The following KLHDC4 variants were observed in gnomAD, a reference collection of about 807,000 sequenced individuals.
KLHDC4 encodes kelch domain containing 4, also known as kelch domain-containing protein 4.
Under a neutral mutation model 62.4 loss-of-function variants are expected in KLHDC4, and 90 were observed. That is an observed-to-expected ratio of 1.44 (90% confidence interval 1.22 to 1.72). KLHDC4 has a LOEUF of 1.72. Ranked by LOEUF, KLHDC4 falls within the 40% of genes most tolerant of loss-of-function variation. The pLI, the probability that KLHDC4 is intolerant of heterozygous loss-of-function variation, is 0.00. For missense variants in KLHDC4, 1,025 were observed against 699.7 expected, an observed-to-expected ratio of 1.47 and a Z score of -5.25; for synonymous variants, 386 against 284.4, an observed-to-expected ratio of 1.36 and a Z score of -3.59.
At chr16:87,706,438 C>T (rs1247939481), downstream of KLHDC4, among the ~76,000 whole-genome samples, 10 of 97,802 alleles carry the variant, frequency 1.0e-4, no homozygotes, top group South Asian at 7.4e-4. Context: ...GGGGGGTCGG[C>T]GGAGGGGGCC....
intron 5 of KLHDC4, among the ~76,000 whole-genome samples, chr16:87,735,293 C>T (rs1363641178): frequency 1.4e-5 from 2 of 148,100 alleles, no homozygotes; most frequent in Non-Finnish European, 3.0e-5. Context: ...CAGCGAGACT[C>T]CGTCTCAAAA....
chr16:87,724,401 T>A (rs1050982569), intron 7 of KLHDC4, among the ~76,000 whole-genome samples: 9 of 152,146 alleles, frequency 5.9e-5, no homozygotes, highest in African/African-American at 2.2e-4. Flanking sequence ...AAGCTTCTCA[T>A]CAACAAACAC....
chr16:87,708,015 C>A lies in KLHDC4; in HGVS notation c.*62G>T. 4.0e-6 allele frequency: 2 copies of A among 495,558 alleles called. No homozygotes were observed. Among genetic ancestry groups the A allele is most frequent in the South Asian group, 1.5e-5 (1 of 64,890 alleles). 30.7% of individuals were successfully genotyped at this position (495,558 alleles called of 1,614,324 possible). ...CTGGCCCCAAGAGCTTCACTCAACA[C>A]GGCTGGGTCCTGGGCGGACGTGGGC... On this transcript the variant is annotated 3_prime_UTR_variant, in exon 12 of 12. Coordinates refer to ENST00000270583, the MANE Select transcript of KLHDC4 (RefSeq NM_017566.4).
In KLHDC4 at chr16:87,755,258, G is replaced by A. The variant is rs2303771; in HGVS notation, c.305C>T (p.Thr102Ile). 580,897 of 1,597,314 alleles carry A rather than the reference G, an allele frequency of 0.36. 109,493 individuals carry two copies. The highest frequency in any genetic ancestry group is 0.53 in the South Asian group (48,071 of 90,734). The change falls in exon 4 of 12, where the codon ACC (threonine) becomes ATC (isoleucine). Residue 102 changes from threonine to isoleucine, a missense_variant. Transcript: ENST00000270583. ...FLYNELYVYN[T>I]RKDTWTKVDI... ...AACTTTGGTCCAGGTGTCCTTTCTG[G>A]TATTGTAGACATAGAGCTCGTTATA...
chr16:87,743,193 ACTC>A lies in KLHDC4; in HGVS notation c.506+5477_506+5479del, dbSNP rs1269068921. 2.0e-5 allele frequency: 3 copies of A among 152,210 alleles called. No homozygotes were observed. In the East Asian group the frequency reaches 5.8e-4, roughly 29 times the overall value. 9.4% of individuals were successfully genotyped at this position (152,210 alleles called of 1,614,324 possible). A position where few individuals can be genotyped will look rare whatever the true frequency, so the allele number is the denominator to read the frequency against. On this transcript the variant is annotated intron_variant, in intron 5 of 11. Coordinates refer to ENST00000270583, the MANE Select transcript of KLHDC4 (RefSeq NM_017566.4). The stretch of plus-strand genomic sequence containing the variant: ...CAATCACAGCTCACTGCCACCTTGA[ACTC>A]CTGAGCTCAAGTGATCCTCCCACCC...
downstream of KLHDC4, among the ~76,000 whole-genome samples, chr16:87,706,429 G>C (rs1011783688): frequency 1.4e-5 from 2 of 146,878 alleles, no homozygotes; most frequent in African/African-American, 5.0e-5. Flanking sequence ...CAGCCTCCAG[G>C]GGGGTCGGCG....
exon 1 of KLHDC4, chr16:87,699,374 A>C (rs2034035926): frequency 6.6e-6 from 1 of 152,276 alleles, no homozygotes; most frequent in South Asian, 2.1e-4. Flanking sequence ...GAGCCGAGCT[A>C]ACTGACAAGA....
In KLHDC4 at chr16:87,730,637, CTGT is replaced by C; in HGVS notation, c.511_513del (p.Thr171del). 1 of 1,612,196 alleles carries C rather than the reference CTGT, an allele frequency of 6.2e-7. No individual in the cohort carries two copies. Among genetic ancestry groups the C allele is most frequent in the Non-Finnish European group, 8.5e-7 (1 of 1,179,510 alleles). On this transcript the variant is annotated inframe_deletion, in exon 6 of 12. Transcript: ENST00000270583. ...TGTCCACTCCGACCCGAAGGACCGCCTGTTGATCTAAAATGAAATAAACAAAAA... is the reference window on the plus strand; with the variant it reads ...TGTCCACTCCGACCCGAAGGACCGCCTGATCTAAAATGAAATAAACAAAAA...
At chr16:87,717,023 G>A (rs769346212) in intron 7 of KLHDC4, among the ~76,000 whole-genome samples, 4 of 152,204 alleles carry the variant, frequency 2.6e-5, no homozygotes, top group Non-Finnish European at 5.9e-5. Context: ...CTTGAGTTCA[G>A]GAGTTCAAGA....
At chr16:87,744,257 A>G (rs1305739647) in intron 5 of KLHDC4, among the ~76,000 whole-genome samples, 2 of 152,090 alleles carry the variant, frequency 1.3e-5, no homozygotes, top group Non-Finnish European at 2.9e-5. Flanking sequence ...CTCTACTAAA[A>G]GTACAAAATT....
At chr16:87,713,542 A>C (rs1387859206) in intron 8 of KLHDC4, among the ~76,000 whole-genome samples, 3 of 152,202 alleles carry the variant, frequency 2.0e-5, no homozygotes, top group Non-Finnish European at 4.4e-5. Flanking sequence ...TTAATGATTG[A>C]AAAGTAGCAG....
At chr16:87,742,046 C>T (rs2042315499) in intron 5 of KLHDC4, among the ~76,000 whole-genome samples, 1 of 152,132 alleles carries the variant, frequency 6.6e-6, no homozygotes. Flanking sequence ...GGGCAAAAAC[C>T]GTCTTTGTTG....
chr16:87,734,891 G>A (rs1794776033), intron 5 of KLHDC4, among the ~76,000 whole-genome samples: 1 of 151,934 alleles, frequency 6.6e-6, no homozygotes, highest in South Asian at 2.1e-4. Context: ...CCCCACACAT[G>A]CGGAGCAAGA....
intron 4 of KLHDC4, among the ~76,000 whole-genome samples, chr16:87,750,047 T>G (rs1429557231): frequency 1.3e-5 from 2 of 152,068 alleles, no homozygotes; most frequent in African/African-American, 4.8e-5. Context: ...TGACGGGTCA[T>G]CAGACACCAC....
In KLHDC4 at chr16:87,714,551, T is replaced by C. The variant is rs771512709; in HGVS notation, c.782A>G (p.Lys261Arg). 6 of 1,614,178 alleles carry C rather than the reference T, an allele frequency of 3.7e-6. No homozygotes were observed. In the South Asian group the frequency reaches 5.5e-5, roughly 15 times the overall value. ...GAACATGTCTGAGTGCCGTGTGCCC[T>C]TGTCCACGTCTTTCTTAACTCTCTG... is the stretch of plus-strand genomic sequence containing the variant. ...SKQRVKKDVDKGTRHSDMFLL... is the reference protein window; with the variant it reads ...SKQRVKKDVDRGTRHSDMFLL... The change falls in exon 8 of 12, where the codon AAG becomes AGG. Residue 261 changes from lysine (K) to arginine (R), a missense_variant. Transcript: ENST00000270583.
At chr16:87,723,789 G>T (rs992872290) in intron 7 of KLHDC4, among the ~76,000 whole-genome samples, 5 of 152,250 alleles carry the variant, frequency 3.3e-5, no homozygotes, top group African/African-American at 9.6e-5. Context: ...GCAGGCATGT[G>T]ATTTTCAACA....
intron 8 of KLHDC4, among the ~76,000 whole-genome samples, chr16:87,712,184 T>C (rs1234712409): frequency 3.3e-5 from 5 of 152,200 alleles, no homozygotes; most frequent in Non-Finnish European, 7.4e-5. Context: ...CGCGCCTATG[T>C]GATGTGCCAA....
chr16:87,755,071 C>A (rs552782316), intron 4 of KLHDC4, 123 bp downstream of exon 4: 7 of 621,172 alleles, frequency 1.1e-5, no homozygotes, highest in East Asian at 2.9e-5. Flanking sequence ...AACAGCAGAA[C>A]CAGGCGATCT....
At chr16:87,734,956 ACGAATTGCCTGACGCCCCTCCCCCTC>A in intron 5 of KLHDC4, among the ~76,000 whole-genome samples, 1 of 37,926 alleles carries the variant, frequency 2.6e-5, no homozygotes. Context: ...CCCACTCCTG[ACGAATTGCCTGACGCCCCTCCCCCTC>A]CTGACGAATT....
Sources: allele counts gnomAD v4.1 joint callset (sites outside exome capture counted in the v4.1 genomes callset), GRCh38; gene constraint gnomAD v4.1.1; transcripts MANE v1.5; gene names NCBI Gene and HGNC (gene_info 2026-07-23, HGNC 2026-07-21).